The following MLLT3 variants were observed in gnomAD, a reference collection of about 807,000 sequenced individuals.
MLLT3 encodes protein AF-9.
MLLT3 carries 4 observed loss-of-function variants against 53.2 expected under a neutral mutation model. That is an observed-to-expected ratio of 0.08 (90% CI 0.04 to 0.17). The LOEUF (loss-of-function observed/expected upper bound fraction) is 0.17. MLLT3 is among the 10% of genes least tolerant of loss of function. The probability of loss-of-function intolerance (pLI) is 1.00; values close to 1 mark genes in which losing one functional copy is unlikely to be tolerated. For missense variants in MLLT3, 569 were observed against 684.0 expected (o/e 0.83, Z 1.87); for synonymous variants, 283 against 230.6 (o/e 1.23, Z -2.06).
intron 2 of MLLT3, among the ~76,000 whole-genome samples, chr9:20,506,095 T>A (rs988834330): frequency 2.2e-4 from 33 of 150,966 alleles, no homozygotes; most frequent in African/African-American, 6.8e-4. Context: ...TTTTTTGAGA[T>A]GTAGTCTCCA....
intron 2 of MLLT3, among the ~76,000 whole-genome samples, chr9:20,589,145 T>C (rs539486229): frequency 1.4e-3 from 207 of 149,324 alleles, no homozygotes; most frequent in African/African-American, 5.0e-3. Flanking sequence ...CGTATGTTTA[T>C]TGCGGCACTA....
intron 2 of MLLT3, among the ~76,000 whole-genome samples, chr9:20,606,088 G>A (rs1051352218): frequency 2.0e-5 from 3 of 152,070 alleles, no homozygotes; most frequent in South Asian, 2.1e-4. Context: ...AATTAATGAC[G>A]AGAATTCAAT....
chr9:20,388,237 CAAAGGTTGAA>C (rs1247680734), intron 5 of MLLT3, among the ~76,000 whole-genome samples: 1 of 152,156 alleles, frequency 6.6e-6, no homozygotes, highest in African/African-American at 2.4e-5. Flanking sequence ...AAAGTAAAAT[CAAAGGTTGAA>C]GAAATTTGAA....
intron 2 of MLLT3, among the ~76,000 whole-genome samples, chr9:20,534,376 G>A (rs1340907913): frequency 1.3e-5 from 2 of 152,058 alleles, no homozygotes; most frequent in East Asian, 1.9e-4. Context: ...TGATCCTATG[G>A]CCCTATTTTA....
intron 2 of MLLT3, among the ~76,000 whole-genome samples, chr9:20,488,405 TAATC>T (rs374149660): frequency 2.4e-4 from 36 of 152,066 alleles, no homozygotes; most frequent in Non-Finnish European, 3.2e-4. Context: ...AAAAAACTAA[TAATC>T]AAACTGATAA....
chr9:20,498,163 G>C (rs1312873185), intron 2 of MLLT3, among the ~76,000 whole-genome samples: 5 of 146,200 alleles, frequency 3.4e-5, no homozygotes, highest in Admixed American at 2.8e-4. Context: ...TGGAGGCAGA[G>C]GCTGCAGTGA....
chr9:20,465,212 T>C (rs1028987040), intron 2 of MLLT3, among the ~76,000 whole-genome samples: 4 of 151,874 alleles, frequency 2.6e-5, no homozygotes, highest in Non-Finnish European at 5.9e-5. Context: ...AGGAAAAAAA[T>C]TACATGGTTC....
chr9:20,445,294 T>C (rs1250215250), intron 4 of MLLT3, among the ~76,000 whole-genome samples: 2 of 152,190 alleles, frequency 1.3e-5, no homozygotes, highest in African/African-American at 4.8e-5. Flanking sequence ...AACAAGAATA[T>C]ACTTAATATT....
chr9:20,392,060 C>T (rs1301558564), intron 5 of MLLT3, among the ~76,000 whole-genome samples: 2 of 152,204 alleles, frequency 1.3e-5, no homozygotes, highest in East Asian at 1.9e-4. Context: ...TGTCGGTAAG[C>T]GGGAACTTCA....
intron 2 of MLLT3, among the ~76,000 whole-genome samples, chr9:20,591,772 G>A (rs1468801094): frequency 2.6e-5 from 4 of 152,192 alleles, no homozygotes; most frequent in African/African-American, 9.7e-5. Flanking sequence ...AAGTTTTTGT[G>A]ACAACCATGT....
intron 2 of MLLT3, among the ~76,000 whole-genome samples, chr9:20,493,024 AT>A (rs199525902): frequency 1.7e-4 from 25 of 150,088 alleles, no homozygotes; most frequent in Admixed American, 1.3e-3. Flanking sequence ...ACCCGTTTCC[AT>A]TTTTTTTTCT....
At chr9:20,365,370 C>T (rs547174964) in intron 6 of MLLT3, among the ~76,000 whole-genome samples, 178 of 152,102 alleles carry the variant, frequency 1.2e-3, no homozygotes, top group Non-Finnish European at 1.8e-3. Context: ...GACGGAGTCT[C>T]ACTGTGTCAC....
intron 2 of MLLT3, among the ~76,000 whole-genome samples, chr9:20,617,500 G>A (rs926139495): frequency 1.3e-5 from 2 of 152,020 alleles, no homozygotes; most frequent in African/African-American, 4.8e-5. Context: ...GCAATAGTAA[G>A]GATGGCTGTA....
chr9:20,490,680 G>A (rs376508602), intron 2 of MLLT3, among the ~76,000 whole-genome samples: 5 of 152,292 alleles, frequency 3.3e-5, no homozygotes, highest in South Asian at 2.1e-4. Flanking sequence ...AGACAGTCTC[G>A]TTTTAAGCCA....
At chr9:20,576,360 C>T (rs1164033484) in intron 2 of MLLT3, among the ~76,000 whole-genome samples, 1 of 152,106 alleles carries the variant, frequency 6.6e-6, no homozygotes, top group Non-Finnish European at 1.5e-5. Flanking sequence ...CTTTTAATTT[C>T]CTTCAAGAAC....
chr9:20,494,543 A>C (rs1825029419), intron 2 of MLLT3, among the ~76,000 whole-genome samples: 1 of 152,202 alleles, frequency 6.6e-6, no homozygotes, highest in Non-Finnish European at 1.5e-5. Flanking sequence ...CCCAAATATA[A>C]TCTAATTGCC....
chr9:20,583,720 G>C (rs1316582870), intron 2 of MLLT3, among the ~76,000 whole-genome samples: 1 of 152,118 alleles, frequency 6.6e-6, no homozygotes, highest in East Asian at 1.9e-4. Flanking sequence ...GCCATGGCTG[G>C]AGCAGCTGGG....
At position 20,532,767 on chromosome 9, in the gene MLLT3, C is replaced by T. The variant is rs34449799; in HGVS notation, c.194-75981G>A. The T allele has an allele frequency of 1.9e-3, 492 of 264,432 alleles. 1 individual carries two copies. Among genetic ancestry groups the T allele is most frequent in the African/African-American group, 0.01 (446 of 43,780 alleles). The allele number at this position is 264,432 out of a possible 1,614,324, so 16.4% of individuals were successfully genotyped here. ...AGCAGCAGAGCCATCCTATTACAAG[C>T]GGCTGAAAGCACTTCCTGAGATTAT... is the stretch of plus-strand genomic sequence containing the variant. On this transcript the variant is annotated intron_variant, in intron 2 of 10. Coordinates refer to ENST00000380338, the MANE Select transcript of MLLT3 (RefSeq NM_004529.4).
At chr9:20,383,576 G>A (rs542823486) in intron 5 of MLLT3, among the ~76,000 whole-genome samples, 1 of 151,920 alleles carries the variant, frequency 6.6e-6, no homozygotes, top group East Asian at 1.9e-4. Flanking sequence ...TGTTGACAAC[G>A]CAAAGCAGTT....
Sources: allele counts gnomAD v4.1 joint callset (sites outside exome capture counted in the v4.1 genomes callset), GRCh38; gene constraint gnomAD v4.1.1; transcripts MANE v1.5; gene names NCBI Gene and HGNC (gene_info 2026-07-23, HGNC 2026-07-21).